Variants in SNTG1 observed in about 807,000 individuals in gnomAD.
SNTG1 encodes syntrophin gamma 1.
In SNTG1, 39 loss-of-function variants were observed where a neutral mutation model predicts 74.7. The observed-to-expected ratio is 0.52, with a 90% CI of 0.40 to 0.68. The LOEUF (loss-of-function observed/expected upper bound fraction) is 0.68, where lower values mean the gene tolerates loss of function less well. Ranked by LOEUF, SNTG1 falls within the 30% of genes least tolerant of loss-of-function variation. The pLI is 0.00. For missense variants in SNTG1, 685 were observed against 609.5 expected (o/e 1.12, Z -1.30); for synonymous variants, 254 against 217.1 (o/e 1.17, Z -1.49).
At chr8:50,390,612 C>T (rs1407794605) in intron 2 of SNTG1, among the ~76,000 whole-genome samples, 1 of 152,156 alleles carries the variant, frequency 6.6e-6, no homozygotes, top group East Asian at 1.9e-4. Context: ...TGAAGAAATT[C>T]ATTGGTAGCT....
chr8:50,319,854 C>G (rs2090460025), intron 2 of SNTG1, among the ~76,000 whole-genome samples: 1 of 152,068 alleles, frequency 6.6e-6, no homozygotes, highest in African/African-American at 2.4e-5. Context: ...TGGAACCATT[C>G]TTGAATCCCA....
At chr8:50,218,082 T>C (rs2084883050) in intron 2 of SNTG1, among the ~76,000 whole-genome samples, 1 of 152,218 alleles carries the variant, frequency 6.6e-6, no homozygotes, top group Non-Finnish European at 1.5e-5. Flanking sequence ...GCTAATTCCT[T>C]GCCATGACAT....
chr8:49,965,862 G>A lies in SNTG1; in HGVS notation c.-103+53631G>A, dbSNP rs186506319. ...TTCAGTGTTTTTCTAACTTCCTCCT[G>A]TGATCTTTCATCTCCTTTCATTTTA... On this transcript the variant is annotated intron_variant, in intron 1 of 18. Coordinates refer to ENST00000642720, the MANE Select transcript of SNTG1 (RefSeq NM_018967.5). 3.6e-3 allele frequency among the ~76,000 whole-genome samples: 543 copies of A among 152,002 alleles called. 3 individuals carry two copies. The highest frequency in any genetic ancestry group is 0.013 in the African/African-American group (518 of 41,440).
chr8:50,444,764 A>AAAG lies in SNTG1; in HGVS notation c.220-4902_220-4901insGAA, dbSNP rs1554528650. Among the ~76,000 whole-genome samples, 6 of 140,214 alleles carry AAAG rather than the reference A, an allele frequency of 4.3e-5. 1 individual carries two copies. Among genetic ancestry groups the AAAG allele is most frequent in the Admixed American group, 7.1e-5 (1 of 14,030 alleles). The allele number at this position is 140,214 out of a possible 152,430, so 92.0% of individuals were successfully genotyped here. On this transcript the variant is annotated intron_variant, in intron 5 of 18. Coordinates refer to ENST00000642720, the MANE Select transcript of SNTG1 (RefSeq NM_018967.5). ...GACTCCATCTCAGAAAAAAAAAAAAAAAAGAAAGAGATAACAAGCATACAG... is the reference window on the plus strand; with the variant it reads ...GACTCCATCTCAGAAAAAAAAAAAAAAAGAAAGAAAGAGATAACAAGCATACAG...
chr8:50,560,177 T>C (rs1429798863), intron 12 of SNTG1, among the ~76,000 whole-genome samples: 4 of 152,072 alleles, frequency 2.6e-5, no homozygotes, highest in African/African-American at 9.7e-5. Context: ...AGGTACCATC[T>C]CAGGCCAGTC....
chr8:50,519,846 G>A (rs2094164636), intron 9 of SNTG1, among the ~76,000 whole-genome samples: 1 of 152,032 alleles, frequency 6.6e-6, no homozygotes, highest in Admixed American at 6.6e-5. Flanking sequence ...CATAGACAGG[G>A]AGAATCAATA....
chr8:49,974,514 C>T (rs148242059), intron 1 of SNTG1, among the ~76,000 whole-genome samples: 2 of 152,114 alleles, frequency 1.3e-5, no homozygotes, highest in Non-Finnish European at 2.9e-5. Context: ...TCAACTATTT[C>T]TCAAGATGAA....
chr8:50,310,210 A>T (rs1181436518), intron 2 of SNTG1, among the ~76,000 whole-genome samples: 1 of 152,148 alleles, frequency 6.6e-6, no homozygotes, highest in Non-Finnish European at 1.5e-5. Flanking sequence ...TTTATCTCAA[A>T]CTTGTTACCT....
At chr8:50,475,439 T>G (rs752791144) in intron 8 of SNTG1, among the ~76,000 whole-genome samples, 2 of 152,136 alleles carry the variant, frequency 1.3e-5, no homozygotes, top group Non-Finnish European at 2.9e-5. Flanking sequence ...TTTCACAGAT[T>G]CCAGTTATCC....
At chr8:50,014,186 C>A (rs189914107) in intron 1 of SNTG1, among the ~76,000 whole-genome samples, 1 of 152,162 alleles carries the variant, frequency 6.6e-6, no homozygotes, top group East Asian at 1.9e-4. Flanking sequence ...CAGATGTGAC[C>A]ATTTTTGGAG....
intron 2 of SNTG1, among the ~76,000 whole-genome samples, chr8:50,229,564 T>G (rs995124346): frequency 6.6e-6 from 1 of 151,562 alleles, no homozygotes; most frequent in African/African-American, 2.4e-5. Context: ...TGTACACAAT[T>G]AAAAAGAGAG....
chr8:50,074,752 C>T (rs115068930), intron 1 of SNTG1, among the ~76,000 whole-genome samples: 1,558 of 152,310 alleles, frequency 0.01, 25 homozygotes, highest in African/African-American at 0.035. Context: ...GGTGCCCACT[C>T]TGGCCGCACT....
At chr8:50,352,370 C>T (rs988576749) in intron 2 of SNTG1, among the ~76,000 whole-genome samples, 2 of 151,722 alleles carry the variant, frequency 1.3e-5, no homozygotes, top group Admixed American at 6.6e-5. Flanking sequence ...CTGACATCCT[C>T]CTTATGGTTT....
intron 1 of SNTG1, among the ~76,000 whole-genome samples, chr8:50,072,593 G>T (rs1461006735): frequency 6.6e-6 from 1 of 152,070 alleles, no homozygotes; most frequent in Non-Finnish European, 1.5e-5. Flanking sequence ...ATACTTTATT[G>T]TTAATAAAGT....
At chr8:50,355,788 C>T in intron 2 of SNTG1, among the ~76,000 whole-genome samples, 1 of 152,170 alleles carries the variant, frequency 6.6e-6, no homozygotes, top group Admixed American at 6.5e-5. Flanking sequence ...GACAATAAAA[C>T]CCTCATTTTT....
At chr8:50,441,165 A>C (rs887182222) in intron 5 of SNTG1, among the ~76,000 whole-genome samples, 3 of 152,108 alleles carry the variant, frequency 2.0e-5, no homozygotes, top group African/African-American at 7.2e-5. Flanking sequence ...AATATGTCTC[A>C]GCGGCTGTGG....
intron 2 of SNTG1, among the ~76,000 whole-genome samples, chr8:50,285,399 T>C (rs2088710651): frequency 6.6e-6 from 1 of 152,150 alleles, no homozygotes; most frequent in African/African-American, 2.4e-5. Flanking sequence ...AGAGCCATGA[T>C]CATGCAACTG....
chr8:50,214,555 A>T (rs4873134), intron 2 of SNTG1, among the ~76,000 whole-genome samples: 65,484 of 151,964 alleles, frequency 0.43, 17,857 homozygotes, highest in African/African-American at 0.78. Flanking sequence ...CAAGTGTTTG[A>T]ATTTTCTATG....
chr8:50,234,300 A>G (rs1043708905), intron 2 of SNTG1, among the ~76,000 whole-genome samples: 1 of 152,026 alleles, frequency 6.6e-6, no homozygotes, highest in African/African-American at 2.4e-5. Context: ...GGCTGTGTCA[A>G]AAATTGCATA....
Sources: gnomAD v4.1 joint callset for allele counts (sites outside exome capture counted in the v4.1 genomes callset) on GRCh38, gnomAD v4.1.1 for gene constraint, MANE v1.5 for transcripts, NCBI Gene and HGNC (gene_info 2026-07-23, HGNC 2026-07-21) for gene names.